Variants in IL36G observed in about 807,000 individuals in gnomAD.
IL36G encodes interleukin 36 gamma.
A neutral mutation model predicts 13.5 loss-of-function variants in IL36G; 10 were observed. That is an observed-to-expected ratio of 0.74 (90% CI 0.46 to 1.26). The LOEUF (loss-of-function observed/expected upper bound fraction) is 1.26. Among genes scored for constraint, IL36G ranks in the 50% most tolerant of loss-of-function variants. The pLI is 0.00. For synonymous variants in IL36G, 84 were observed against 74.0 expected (o/e 1.13, Z -0.69); for missense variants, 199 against 203.0 (o/e 0.98, Z 0.12).
At position 112,980,030 on chromosome 2, in the gene IL36G, G is replaced by T. The variant is rs373065238; in HGVS notation, c.182G>T (p.Cys61Phe). Residue 61 changes from cysteine (C) to phenylalanine (F), a missense_variant, in exon 4 of 5, where the codon TGC becomes TTC. Physicochemically the swap from Cys to Phe is radical, Grantham distance 205 (BLOSUM62 -2). Transcript: ENST00000259205. ...VTPVTVAVIT[C>F]KYPEALEQGR... ...ACAGTCACTGTTGCTGTTATCACAT[G>T]CAAGTATCCAGAGGCTCTTGAGCAA... 20 of 1,613,572 alleles carry T rather than the reference G, an allele frequency of 1.2e-5. No individual in the cohort carries two copies. The African/African-American group carries it at 2.7e-4, about 22-fold the overall frequency.
chr2:112,981,171 C>T (rs762516430), intron 4 of IL36G: 5 of 1,167,004 alleles, frequency 4.3e-6, no homozygotes, highest in Admixed American at 3.4e-5. Flanking sequence ...CTACACTTGG[C>T]ATCTGCAGCA....
rs73955112 is a variant in IL36G at position 112,985,096 on chromosome 2, T to C, written c.*47T>C. The C allele has an allele frequency of 1.5e-3, 2,020 of 1,391,804 alleles. 33 individuals carry two copies. In the African/African-American group the frequency reaches 0.026, roughly 18 times the overall value. The allele number at this position is 1,391,804 out of a possible 1,614,324, so 86.2% of individuals were successfully genotyped here. On this transcript the variant is annotated 3_prime_UTR_variant, in exon 5 of 5. Transcript: ENST00000259205. The stretch of plus-strand genomic sequence containing the variant: ...TTGGTCTTTGTCTTAAAGTTTCTGG[T>C]TCCCAATGTGTTTTCGTCTACATTT...
At chr2:112,979,198 T>C in intron 2 of IL36G, 23 bp from the exon 3 acceptor site, 1 of 1,456,030 alleles carries the variant, frequency 6.9e-7, no homozygotes, top group Non-Finnish European at 9.7e-7. Context: ...ATTTCTTCAT[T>C]TTTTTCTCTA....
At position 112,984,838 on chromosome 2, in the gene IL36G, A is replaced by T; in HGVS notation, c.301-2A>T. On this transcript the variant is annotated splice_acceptor_variant, in intron 4 of 4. Transcript: ENST00000259205. LOFTEE classifies it high-confidence loss of function. Reference sequence around the variant, plus strand: ...TAATGGGTACTTGTTCTGACATTTCAGGAGCAGAAGATCATGGATCTGTAT... The same window carrying T: ...TAATGGGTACTTGTTCTGACATTTCTGGAGCAGAAGATCATGGATCTGTAT... 1.2e-6 allele frequency: 2 copies of T among 1,613,394 alleles called. No homozygotes were observed. Among genetic ancestry groups the T allele is most frequent in the Non-Finnish European group, 1.7e-6 (2 of 1,179,332 alleles).
chr2:112,981,243 C>A, intron 4 of IL36G: 1 of 1,403,276 alleles, frequency 7.1e-7, no homozygotes, highest in Non-Finnish European at 1.0e-6. Context: ...TTATTCCCCT[C>A]CTTGCCAGCA....
At chr2:112,984,677 T>C (rs748876214) in intron 4 of IL36G, among the ~76,000 whole-genome samples, 163 bp from the exon 5 acceptor site, 1 of 152,192 alleles carries the variant, frequency 6.6e-6, no homozygotes, top group Non-Finnish European at 1.5e-5. Context: ...TTCATGTATG[T>C]TTACTCTGCT....
At position 112,985,017 on chromosome 2, in the gene IL36G, A is replaced by G. The variant is rs1459317436; in HGVS notation, c.478A>G (p.Asn160Asp). ...GACTTCAGAACTTGGGAAGTCATAC[A>G]ACACTGCCTTTGAATTAAATATAAA... is the stretch of plus-strand genomic sequence containing the variant. ...ILTSELGKSY[N>D]TAFELNIND Residue 160 changes from asparagine (N) to aspartate (D), a missense_variant, in exon 5 of 5, where the codon AAC (asparagine) becomes GAC (aspartate). Physicochemically the swap from Asn to Asp is conservative, Grantham distance 23. Coordinates refer to ENST00000259205, the MANE Select transcript of IL36G (RefSeq NM_019618.4). 2 of 1,613,994 alleles carry G rather than the reference A, an allele frequency of 1.2e-6. No individual in the cohort carries two copies. Among genetic ancestry groups the G allele is most frequent in the Non-Finnish European group, 1.7e-6 (2 of 1,179,906 alleles).
chr2:112,982,370 A>G (rs143759278), intron 4 of IL36G, among the ~76,000 whole-genome samples: 1 of 152,354 alleles, frequency 6.6e-6, no homozygotes, highest in African/African-American at 2.4e-5. Flanking sequence ...AGATAAAGGC[A>G]GACATGAAAG....
chr2:112,981,343 T>A, intron 4 of IL36G: 3 of 793,644 alleles, frequency 3.8e-6, no homozygotes, highest in South Asian at 1.3e-5. Context: ...GAGGAGCAGG[T>A]TTAGCAGACA....
chr2:112,979,449 T>C, intron 3 of IL36G, 124 bp downstream of exon 3: 1 of 616,788 alleles, frequency 1.6e-6, no homozygotes, highest in African/African-American at 1.9e-5. Context: ...ATTTCACACC[T>C]AATTGGGAAG....
intron 4 of IL36G, chr2:112,981,218 C>T (rs1684255565): frequency 7.5e-7 from 1 of 1,330,286 alleles, no homozygotes; most frequent in East Asian, 2.3e-5. Context: ...TTTGGCATCT[C>T]TATTTTCTGC....
At position 112,985,295 on chromosome 2, in the gene IL36G, C is replaced by G; in HGVS notation, c.*246C>G. On this transcript the variant is annotated 3_prime_UTR_variant, in exon 5 of 5. Transcript: ENST00000259205. ...TCCTCTCAAGCTGGTGCTGTGTAGGCCACAAGGCATCTGCATGAGTGACTT... is the reference window on the plus strand; with the variant it reads ...TCCTCTCAAGCTGGTGCTGTGTAGGGCACAAGGCATCTGCATGAGTGACTT... 4 of 476,596 alleles carry G rather than the reference C, an allele frequency of 8.4e-6. No individual in the cohort carries two copies. The East Asian group carries it at 1.5e-4, about 18-fold the overall frequency. The allele number at this position is 476,596 out of a possible 1,614,324, so 29.5% of individuals were successfully genotyped here.
intron 3 of IL36G, 55 bp downstream of exon 3, chr2:112,979,380 T>C (rs967469127): frequency 1.9e-6 from 2 of 1,040,620 alleles, no homozygotes; most frequent in Non-Finnish European, 3.0e-6. Context: ...GCTGGGAAGC[T>C]GGCATCAGCC....
At position 112,979,912 on chromosome 2, in the gene IL36G, C is replaced by G. The variant is rs756730984; in HGVS notation, c.161-97C>G. On this transcript the variant is annotated intron_variant, in intron 3 of 4. Coordinates refer to ENST00000259205, the MANE Select transcript of IL36G (RefSeq NM_019618.4). ...CTAGTTGGGATTACACTCTTCAGCT[C>G]TCTTCCAGATCCACTTGAGGATACT... The G allele has an allele frequency of 5.7e-6, 7 of 1,227,800 alleles. No homozygotes were observed. The Admixed American group carries it at 8.2e-5, about 14-fold the overall frequency. The allele number at this position is 1,227,800 out of a possible 1,614,324, so 76.1% of individuals were successfully genotyped here.
chr2:112,978,833 C>T, intron 2 of IL36G, 140 bp downstream of exon 2: 2 of 819,180 alleles, frequency 2.4e-6, no homozygotes, highest in Non-Finnish European at 2.0e-6. Context: ...TACCACTGGG[C>T]CCTGGGCTTC....
At position 112,980,028 on chromosome 2, in the gene IL36G, A is replaced by T. The variant is rs750475952; in HGVS notation, c.180A>T (p.Thr60=). ...TTACAGTCACTGTTGCTGTTATCAC[A>T]TGCAAGTATCCAGAGGCTCTTGAGC... is the stretch of plus-strand genomic sequence containing the variant. ...SVTPVTVAVI[T]CKYPEALEQG... Residue 60 remains threonine, a synonymous_variant, in exon 4 of 5, where the codon ACA becomes ACT. Transcript: ENST00000259205. 6.2e-7 allele frequency: 1 copy of T among 1,613,158 alleles called. No homozygotes were observed. Among genetic ancestry groups the T allele is most frequent in the Admixed American group, 1.7e-5 (1 of 59,938 alleles).
chr2:112,983,036 G>C (rs535669310), intron 4 of IL36G, among the ~76,000 whole-genome samples: 1 of 152,222 alleles, frequency 6.6e-6, no homozygotes, highest in Non-Finnish European at 1.5e-5. Context: ...TGGAGCACAA[G>C]AGAGCAGGGA....
rs1333921468 is a variant in IL36G, at chr2:112,985,632, A to G, written c.*583A>G. ...ATAAACTTTGTGTATTTATATAATA[A>G]TAAAGCTAAAACTGATATAAAATAA... On this transcript the variant is annotated 3_prime_UTR_variant, in exon 5 of 5. Coordinates refer to ENST00000259205, the MANE Select transcript of IL36G (RefSeq NM_019618.4). 6.6e-6 allele frequency: 1 copy of G among 152,436 alleles called. No homozygotes were observed. Among genetic ancestry groups the G allele is most frequent in the Non-Finnish European group, 1.5e-5 (1 of 68,216 alleles). 9.4% of individuals were successfully genotyped at this position (152,436 alleles called of 1,614,324 possible).
chr2:112,982,141 TA>T (rs1353575652), intron 4 of IL36G, among the ~76,000 whole-genome samples: 4 of 151,952 alleles, frequency 2.6e-5, no homozygotes, highest in Non-Finnish European at 4.4e-5. Context: ...CCTAGAAAAA[TA>T]AAAATGGTTA....
Sources: allele counts gnomAD v4.1 joint callset (sites outside exome capture counted in the v4.1 genomes callset), GRCh38; gene constraint gnomAD v4.1.1; transcripts MANE v1.5; gene names NCBI Gene and HGNC (gene_info 2026-07-23, HGNC 2026-07-21).